Variants in PPP1R16B observed in about 807,000 individuals in gnomAD.
PPP1R16B encodes the protein protein phosphatase 1 regulatory subunit 16B.
In PPP1R16B, 14 loss-of-function variants were observed where a neutral mutation model predicts 61.7. The ratio of observed to expected loss-of-function variants is 0.23; its 90% CI spans 0.15 to 0.35. The LOEUF (loss-of-function observed/expected upper bound fraction) is 0.35, where lower values mean the gene tolerates loss of function less well. Ranked by LOEUF, PPP1R16B falls within the 10% of genes least tolerant of loss-of-function variation. PPP1R16B has a pLI of 1.00. For synonymous variants in PPP1R16B, 266 were observed against 305.3 expected, an observed-to-expected ratio of 0.87 and a Z score of 1.34; for missense variants, 547 against 752.5, an observed-to-expected ratio of 0.73 and a Z score of 3.19.
chr20:38,834,374 G>A (rs2084855851), intron 1 of PPP1R16B, among the ~76,000 whole-genome samples: 1 of 152,128 alleles, frequency 6.6e-6, no homozygotes, highest in South Asian at 2.1e-4. Flanking sequence ...TTTGCAGGTG[G>A]AGGAACAGGC....
chr20:38,906,122 G>A (rs1410958359), intron 7 of PPP1R16B, 28 bp downstream of exon 7: 12 of 1,606,702 alleles, frequency 7.5e-6, no homozygotes, highest in Admixed American at 1.7e-5. Flanking sequence ...GGCTGTGGGG[G>A]AGGCCGGCAC....
intron 2 of PPP1R16B, among the ~76,000 whole-genome samples, chr20:38,872,021 AC>A (rs1290770251): frequency 1.3e-5 from 2 of 152,116 alleles, no homozygotes; most frequent in Non-Finnish European, 2.9e-5. Context: ...CTTCAAGGTC[AC>A]CCCTAGCACG....
intron 2 of PPP1R16B, among the ~76,000 whole-genome samples, chr20:38,854,096 C>T (rs1403189730): frequency 6.6e-6 from 1 of 152,168 alleles, no homozygotes; most frequent in African/African-American, 2.4e-5. Flanking sequence ...ATTCTAGCAA[C>T]TCGATGTGAT....
At chr20:38,828,516 A>G (rs2084817693) in intron 1 of PPP1R16B, among the ~76,000 whole-genome samples, 2 of 152,216 alleles carry the variant, frequency 1.3e-5, no homozygotes, top group South Asian at 4.1e-4. Flanking sequence ...GTTGGCTTGG[A>G]TAACTGAAGT....
chr20:38,806,693 T>G lies in PPP1R16B; in HGVS notation c.-102+901T>G, dbSNP rs1331291718. Among the ~76,000 whole-genome samples, 2 of 152,030 alleles carry G rather than the reference T, an allele frequency of 1.3e-5. No individual in the cohort carries two copies. The highest frequency in any genetic ancestry group is 2.4e-5 in the African/African-American group (1 of 41,450). ...GCTCGCTGCCCTCCTCCTTCCCCCA[T>G]GTAGACTCCCTTCCTCCGCTCCCCC... On this transcript the variant is annotated intron_variant, in intron 1 of 10. Coordinates refer to ENST00000299824, the MANE Select transcript of PPP1R16B (RefSeq NM_015568.4). This position sits in a 1 kb window ranked among gnomAD's most constrained non-coding sequence, Gnocchi z 4.5.
At chr20:38,854,629 T>G (rs911076852) in intron 2 of PPP1R16B, among the ~76,000 whole-genome samples, 1 of 152,188 alleles carries the variant, frequency 6.6e-6, no homozygotes, top group African/African-American at 2.4e-5. Flanking sequence ...AAAACTAAAT[T>G]TTAATCTCTA....
At chr20:38,853,645 A>G (rs2084983735) in intron 2 of PPP1R16B, among the ~76,000 whole-genome samples, 1 of 152,194 alleles carries the variant, frequency 6.6e-6, no homozygotes, top group South Asian at 2.1e-4. Flanking sequence ...CACTCTTGAA[A>G]CACTTAGTGG....
Position 38,892,321 on chromosome 20 carries a change from C to T in PPP1R16B, c.321+2656C>T, listed in dbSNP as rs530274158. ...TCAGGACCAGTTTCTCCTGTGGGTT[C>T]CTGGGCCCCTGGGGATGCGTGGTCA... On this transcript the variant is annotated intron_variant, in intron 3 of 10. Coordinates refer to ENST00000299824, the MANE Select transcript of PPP1R16B (RefSeq NM_015568.4). 2.8e-3 allele frequency among the ~76,000 whole-genome samples: 419 copies of T among 152,188 alleles called. 1 individual carries two copies. The highest frequency in any genetic ancestry group is 4.8e-3 in the Non-Finnish European group (326 of 68,000).
At chr20:38,903,520 T>C (rs2085413003) in intron 6 of PPP1R16B, among the ~76,000 whole-genome samples, 1 of 151,968 alleles carries the variant, frequency 6.6e-6, no homozygotes, top group South Asian at 2.1e-4. Context: ...CATTCATCCA[T>C]TGGTCCATCC....
intron 3 of PPP1R16B, among the ~76,000 whole-genome samples, chr20:38,893,921 T>G (rs2085311807): frequency 6.6e-6 from 1 of 152,082 alleles, no homozygotes; most frequent in Non-Finnish European, 1.5e-5. Context: ...CAGCGGCATC[T>G]CCCAGTGAAG....
intron 2 of PPP1R16B, among the ~76,000 whole-genome samples, chr20:38,842,055 T>C (rs1327946657): frequency 6.6e-6 from 1 of 152,252 alleles, no homozygotes; most frequent in East Asian, 1.9e-4. Context: ...TCCCCCATTT[T>C]ACAGATGAGA....
rs2085600519 is a variant in PPP1R16B at position 38,921,750 on chromosome 20, T to C, written c.*3084T>C. 6.6e-6 allele frequency: 1 copy of C among 152,260 alleles called. No homozygotes were observed. Among genetic ancestry groups the C allele is most frequent in the African/African-American group, 2.4e-5 (1 of 41,448 alleles). The allele number at this position is 152,260 out of a possible 1,614,324, so 9.4% of individuals were successfully genotyped here. A position where few individuals can be genotyped will look rare whatever the true frequency, so the allele number is the denominator to read the frequency against. ...TCTGCAATTTGCTGCCAAATGCATC[T>C]CAGGTTTTTAAAGTCATTGTTTCTT... On this transcript the variant is annotated 3_prime_UTR_variant, in exon 11 of 11. Coordinates refer to ENST00000299824, the MANE Select transcript of PPP1R16B (RefSeq NM_015568.4).
intron 1 of PPP1R16B, among the ~76,000 whole-genome samples, chr20:38,814,901 T>G (rs1224800750): frequency 6.6e-6 from 1 of 152,226 alleles, no homozygotes; most frequent in African/African-American, 2.4e-5. Context: ...GGTGACTTTC[T>G]CTGTCTCCTG....
chr20:38,918,600 C>T lies in PPP1R16B; in HGVS notation c.1638C>T (p.Leu546=), dbSNP rs2085563884. ...YYTVTSGDPP[L]LKFKAPIEEM... ...CGGTCACCAGCGGAGATCCCCCACT[C>T]TTAAAGTTCAAGGCCCCCATAGAGG... Residue 546 remains leucine, a synonymous_variant, in exon 11 of 11, where the codon CTC becomes CTT. Coordinates refer to ENST00000299824, the MANE Select transcript of PPP1R16B (RefSeq NM_015568.4). The surrounding 1 kb of genome is among the most constrained non-coding windows in gnomAD (Gnocchi z 5.3). The T allele has an allele frequency of 6.5e-7, 1 of 1,528,906 alleles. No homozygotes were observed. The highest frequency in any genetic ancestry group is 1.3e-5 in the South Asian group (1 of 76,546). The allele number at this position is 1,528,906 out of a possible 1,614,324, so 94.7% of individuals were successfully genotyped here.
intron 1 of PPP1R16B, among the ~76,000 whole-genome samples, chr20:38,807,583 C>T (rs1601224496): frequency 6.6e-6 from 1 of 152,278 alleles, no homozygotes; most frequent in African/African-American, 2.4e-5. Context: ...ATCCTTCCAG[C>T]CGGCTGCCTG....
At chr20:38,863,604 G>T (rs1386638332) in intron 2 of PPP1R16B, among the ~76,000 whole-genome samples, 1 of 152,166 alleles carries the variant, frequency 6.6e-6, no homozygotes, top group Non-Finnish European at 1.5e-5. Flanking sequence ...CAGTCGCTTT[G>T]CCTATCTGCA....
intron 1 of PPP1R16B, among the ~76,000 whole-genome samples, chr20:38,808,147 G>C (rs2084674316): frequency 6.6e-6 from 1 of 152,168 alleles, no homozygotes; most frequent in South Asian, 2.1e-4. Context: ...GCCTATGTGT[G>C]ATGGCCTCAC....
chr20:38,912,924 C>T (rs1418389749), intron 10 of PPP1R16B, among the ~76,000 whole-genome samples: 2 of 152,178 alleles, frequency 1.3e-5, no homozygotes, highest in African/African-American at 2.4e-5. Context: ...GACTGGAGTG[C>T]AGTGGCGCAA....
chr20:38,895,935 TCTTTCTTC>T (rs1242477818), intron 4 of PPP1R16B, among the ~76,000 whole-genome samples: 7 of 93,522 alleles, frequency 7.5e-5, no homozygotes, highest in African/African-American at 2.8e-4. Flanking sequence ...CCTCCTTCCT[TCTTTCTTC>T]CCTCCCTCCC....
Sources: allele counts gnomAD v4.1 joint callset (sites outside exome capture counted in the v4.1 genomes callset), GRCh38; gene constraint gnomAD v4.1.1; non-coding constraint Gnocchi (gnomAD v3.1); transcripts MANE v1.5; gene names NCBI Gene and HGNC (gene_info 2026-07-23, HGNC 2026-07-21).